The following RNF19A variants were observed in gnomAD, a reference collection of about 807,000 sequenced individuals.
RNF19A encodes the protein E3 ubiquitin-protein ligase RNF19A.
Under a neutral mutation model 75.7 loss-of-function variants are expected in RNF19A, and 32 were observed. The ratio of observed to expected loss-of-function variants is 0.42; its 90% CI spans 0.32 to 0.57. The LOEUF (loss-of-function observed/expected upper bound fraction) is 0.57, where lower values mean the gene tolerates loss of function less well. Among genes scored for constraint, RNF19A ranks in the 20% least tolerant of loss-of-function variants. The probability of loss-of-function intolerance (pLI) is 0.10; values close to 1 mark genes in which losing one functional copy is unlikely to be tolerated. For synonymous variants in RNF19A, 335 were observed against 345.2 expected, an observed-to-expected ratio of 0.97 and a Z score of 0.33; for missense variants, 782 against 1,036.3, an observed-to-expected ratio of 0.75 and a Z score of 3.37.
At chr8:100,266,970 C>G (rs1221692796) in intron 5 of RNF19A, among the ~76,000 whole-genome samples, 1 of 152,116 alleles carries the variant, frequency 6.6e-6, no homozygotes, top group Admixed American at 6.6e-5. Context: ...AAAAATTCAG[C>G]TGTTTTACAG....
intron 1 of RNF19A, chr8:100,309,557 G>A (rs1822212241): frequency 7.1e-6 from 7 of 982,514 alleles, no homozygotes; most frequent in Non-Finnish European, 7.3e-6. Flanking sequence ...CGGCCGCACA[G>A]GCACCAGGAG....
rs1819728230 is a variant in RNF19A at position 100,261,747 on chromosome 8, ATGT to A, written c.1474_1476del (p.Thr492del). Reference sequence around the variant, plus strand: ...GGGTTGTGTCTTGCTTCTGCTACTGATGTTGTGTCTAAATGCAAATATTCCAAA... The same window carrying A: ...GGGTTGTGTCTTGCTTCTGCTACTGATGTGTCTAAATGCAAATATTCCAAA... On this transcript the variant is annotated inframe_deletion, in exon 8 of 10. Coordinates refer to ENST00000341084, the MANE Select transcript of RNF19A (RefSeq NM_183419.4). This position sits in a 1 kb window ranked among gnomAD's most constrained non-coding sequence, Gnocchi z 4.4. The A allele has an allele frequency of 3.1e-6, 5 of 1,613,858 alleles. No homozygotes were observed. The highest frequency in any genetic ancestry group is 3.3e-5 in the Admixed American group (2 of 59,980).
chr8:100,307,710 G>A (rs144035955), intron 1 of RNF19A, among the ~76,000 whole-genome samples: 3 of 151,958 alleles, frequency 2.0e-5, no homozygotes, highest in African/African-American at 7.3e-5. Flanking sequence ...ATAAAATAGA[G>A]GTGACCCAAG....
intron 2 of RNF19A, among the ~76,000 whole-genome samples, chr8:100,279,379 T>C (rs1820675817): frequency 6.6e-6 from 1 of 152,110 alleles, no homozygotes; most frequent in African/African-American, 2.4e-5. Context: ...TGTTTTGTTT[T>C]GTTTTGTTTT....
At chr8:100,291,870 C>G (rs1474673286) in intron 1 of RNF19A, among the ~76,000 whole-genome samples, 8 of 151,404 alleles carry the variant, frequency 5.3e-5, no homozygotes, top group African/African-American at 1.9e-4. Flanking sequence ...TTTTAGATGT[C>G]TGACATCCAG....
chr8:100,310,516 T>C (rs1822263926), upstream of RNF19A, among the ~76,000 whole-genome samples: 1 of 152,220 alleles, frequency 6.6e-6, no homozygotes, highest in South Asian at 2.1e-4. Flanking sequence ...TGCCCGGCAT[T>C]ATTCATTCCT....
intron 3 of RNF19A, among the ~76,000 whole-genome samples, chr8:100,270,673 G>T (rs1820213286): frequency 6.6e-6 from 1 of 152,136 alleles, no homozygotes; most frequent in African/African-American, 2.4e-5. Context: ...TTAAGGAAGG[G>T]TCATATGGCT....
Position 100,259,823 on chromosome 8 carries a change from A to G in RNF19A, c.1826+31T>C. ...GAATTATTCCTTTAATTTAAAAAATACTTTCAATTTTTTAACAGTTTTTTC... is the reference window on the plus strand; with the variant it reads ...GAATTATTCCTTTAATTTAAAAAATGCTTTCAATTTTTTAACAGTTTTTTC... On this transcript the variant is annotated intron_variant, in intron 9 of 9. Transcript: ENST00000341084. This position sits in a 1 kb window ranked among gnomAD's most constrained non-coding sequence, Gnocchi z 4.5. The G allele has an allele frequency of 1.3e-6, 2 of 1,567,274 alleles. No homozygotes were observed. Among genetic ancestry groups the G allele is most frequent in the South Asian group, 1.1e-5 (1 of 88,186 alleles).
Position 100,332,180 on chromosome 8 carries a change from T to C in RNF19A, c.-243+3928A>G, listed in dbSNP as rs1248061359. Among the ~76,000 whole-genome samples, 1 of 152,188 alleles carries C rather than the reference T, an allele frequency of 6.6e-6. No homozygotes were observed. Among genetic ancestry groups the C allele is most frequent in the African/African-American group, 2.4e-5 (1 of 41,450 alleles). On this transcript the variant is annotated intron_variant, in intron 1 of 3. Transcript: ENST00000519527. This position sits in a 1 kb window ranked among gnomAD's most constrained non-coding sequence, Gnocchi z 4.8. ...TCCACTTTCCATACTGATATCTGAT[T>C]TGGTTTGGCTCTGTGTCCCCATGTA... is the stretch of plus-strand genomic sequence containing the variant.
intron 1 of RNF19A, among the ~76,000 whole-genome samples, chr8:100,303,928 C>T (rs1272627022): frequency 6.6e-6 from 1 of 151,886 alleles, no homozygotes; most frequent in East Asian, 1.9e-4. Context: ...CAGAGTGAAA[C>T]TCTGTCTCCA....
At chr8:100,295,953 C>T (rs922577387) in intron 1 of RNF19A, among the ~76,000 whole-genome samples, 1 of 152,144 alleles carries the variant, frequency 6.6e-6, no homozygotes, top group African/African-American at 2.4e-5. Context: ...TTATGCCATT[C>T]ATGATCTATG....
chr8:100,268,657 T>C, intron 5 of RNF19A, 128 bp downstream of exon 5: 1 of 490,962 alleles, frequency 2.0e-6, no homozygotes, highest in Non-Finnish European at 3.3e-6. Context: ...TGTTTTATAC[T>C]GAAGAAACTA....
chr8:100,287,868 T>C lies in RNF19A; in HGVS notation c.307A>G (p.Thr103Ala), dbSNP rs751862909. Reference protein sequence around the residue: ...SIESIHSEMCTDKNSIFSTNT... With the variant: ...SIESIHSEMCADKNSIFSTNT... ...GTAGAGAAAATGGAGTTCTTATCAG[T>C]ACACATTTCAGAATGTATACTTTCA... The change falls in exon 2 of 10, where the codon ACT becomes GCT. Residue 103 changes from threonine (T) to alanine (A), a missense_variant. By Grantham distance (58) the Thr-to-Ala change is moderately conservative (BLOSUM62 0). Around this residue, in one of 7 missense-constraint regions of RNF19A, gnomAD observed 148 missense variants for 147.9 expected, o/e 1.00. Coordinates refer to ENST00000341084, the MANE Select transcript of RNF19A (RefSeq NM_183419.4). The surrounding 1 kb of genome is among the most constrained non-coding windows in gnomAD (Gnocchi z 4.1). The C allele has an allele frequency of 5.0e-6, 8 of 1,614,208 alleles. No homozygotes were observed. The highest frequency in any genetic ancestry group is 3.3e-5 in the South Asian group (3 of 91,074).
Position 100,257,367 on chromosome 8 carries a change from G to C in RNF19A, c.*1189C>G, listed in dbSNP as rs1289532094. 1 of 152,518 alleles carries C rather than the reference G, an allele frequency of 6.6e-6. No homozygotes were observed. The highest frequency in any genetic ancestry group is 1.5e-5 in the Non-Finnish European group (1 of 68,022). 9.4% of individuals were successfully genotyped at this position (152,518 alleles called of 1,614,324 possible). On this transcript the variant is annotated 3_prime_UTR_variant, in exon 10 of 10. Transcript: ENST00000341084. ...TTGAGGTTAACCTGCTTTTATTTAA[G>C]TGAATTATACAGGAAATTAACAGTA...
intron 7 of RNF19A, among the ~76,000 whole-genome samples, chr8:100,263,824 C>T (rs1343481957): frequency 6.6e-6 from 1 of 152,028 alleles, no homozygotes; most frequent in East Asian, 1.9e-4. Flanking sequence ...CATTATATTC[C>T]AATTAGAGGT....
At chr8:100,298,194 G>A in intron 1 of RNF19A, among the ~76,000 whole-genome samples, 1 of 111,934 alleles carries the variant, frequency 8.9e-6, no homozygotes, top group African/African-American at 4.6e-5. Flanking sequence ...ACCATGTATT[G>A]GGTTAAAAAA....
chr8:100,294,324 A>G (rs1821446293), intron 1 of RNF19A, among the ~76,000 whole-genome samples: 1 of 152,130 alleles, frequency 6.6e-6, no homozygotes, highest in South Asian at 2.1e-4. Flanking sequence ...GAAAGCACCC[A>G]TGTTTACCAA....
intron 1 of RNF19A, among the ~76,000 whole-genome samples, chr8:100,308,663 A>T (rs1045513548): frequency 1.3e-4 from 19 of 140,960 alleles, no homozygotes; most frequent in Non-Finnish European, 2.1e-4. Context: ...AAGATATTTT[A>T]AAAAAATGAA....
At chr8:100,270,150 A>T in intron 3 of RNF19A, 137 bp from the exon 4 acceptor site, 1 of 572,428 alleles carries the variant, frequency 1.7e-6, no homozygotes, top group Non-Finnish European at 2.7e-6. Flanking sequence ...TGCTGTTTTT[A>T]GTATATAAAG....
Sources: gnomAD v4.1 joint callset for allele counts (sites outside exome capture counted in the v4.1 genomes callset) on GRCh38, gnomAD v4.1.1 for gene constraint, gnomAD v4.1.1 regional missense constraint, Gnocchi (gnomAD v3.1) non-coding constraint, MANE v1.5 for transcripts, NCBI Gene and HGNC (gene_info 2026-07-23, HGNC 2026-07-21) for gene names.